The following ZNF358 variants were observed in gnomAD, a reference collection of about 807,000 sequenced individuals.
The protein encoded by ZNF358 is zinc finger protein 358.
ZNF358 carries 1 observed loss-of-function variant against 2.1 expected under a neutral mutation model. The observed-to-expected ratio is 0.49, with a 90% confidence interval of 0.17 to 2.30. The LOEUF is 2.30. Among genes scored for constraint, ZNF358 ranks in the 30% most tolerant of loss-of-function variants. ZNF358 has a pLI of 0.26. For missense variants in ZNF358, 665 were observed against 806.8 expected, an observed-to-expected ratio of 0.82 and a Z score of 2.13; for synonymous variants, 381 against 359.7, an observed-to-expected ratio of 1.06 and a Z score of -0.67.
At chr19:7,517,658 G>A (rs1326890961) in intron 1 of ZNF358, among the ~76,000 whole-genome samples, 1 of 152,082 alleles carries the variant, frequency 6.6e-6, no homozygotes, top group East Asian at 1.9e-4. Flanking sequence ...CTCACCAGGA[G>A]GGGTCCCAAA....
In ZNF358 at chr19:7,520,812, C is replaced by T. The variant is rs865873442; in HGVS notation, c.1570C>T (p.Pro524Ser). The change falls in exon 2 of 2, where the codon CCC becomes TCC. Residue 524 changes from proline (P) to serine (S), a missense_variant. Coordinates refer to ENST00000597229, the MANE Select transcript of ZNF358 (RefSeq NM_018083.5). This position sits in a 1 kb window ranked among gnomAD's most constrained non-coding sequence, Gnocchi z 6.0. ...GCCCAGCCCAGACCCTGATCCTGTG[C>T]CCAGCCCTGATCCCAACCCTGTGTC... The part of the protein sequence containing the change: ...PVPSPDPDPV[P>S]SPDPNPVSCP... The T allele has an allele frequency of 1.2e-6, 2 of 1,613,876 alleles. No individual in the cohort carries two copies. Among genetic ancestry groups the T allele is most frequent in the Middle Eastern group, 3.3e-4 (2 of 6,060 alleles).
chr19:7,519,083 AAAAAG>A (rs1340003418), intron 1 of ZNF358, 117 bp from the exon 2 acceptor site: 40 of 1,195,168 alleles, frequency 3.3e-5, no homozygotes, highest in South Asian at 1.1e-4. Context: ...AAAAAAAAAA[AAAAAG>A]AAGTGGGTTC....
In ZNF358 at chr19:7,519,707, T is replaced by A; in HGVS notation, c.465T>A (p.Asp155Glu). ...ASPPRPFSCP[D>E]CGRAFRRSSG... ...CGCCCCGGCCCTTCTCCTGCCCGGA[T>A]TGCGGGCGAGCCTTCCGCCGCAGCT... The change falls in exon 2 of 2, where the codon GAT becomes GAA. Residue 155 changes from aspartate to glutamate, a missense_variant. Coordinates refer to ENST00000597229, the MANE Select transcript of ZNF358 (RefSeq NM_018083.5). 1.3e-6 allele frequency: 2 copies of A among 1,581,572 alleles called. No homozygotes were observed.
chr19:7,519,944 G>A lies in ZNF358; in HGVS notation c.702G>A (p.Pro234=). Residue 234 remains proline, a synonymous_variant, in exon 2 of 2, where the codon CCG becomes CCA. Transcript: ENST00000597229. ...KHRSSHSGEK[P]HHCPVCGKAF... The stretch of plus-strand genomic sequence containing the variant: ...GCAGCAGCCACAGCGGGGAGAAGCC[G>A]CACCACTGCCCGGTGTGTGGCAAGG... The A allele has an allele frequency of 6.6e-7, 1 of 1,523,340 alleles. No homozygotes were observed. Among genetic ancestry groups the A allele is most frequent in the African/African-American group, 1.4e-5 (1 of 72,328 alleles). The allele number at this position is 1,523,340 out of a possible 1,614,324, so 94.4% of individuals were successfully genotyped here.
intron 1 of ZNF358, among the ~76,000 whole-genome samples, chr19:7,517,302 C>T (rs578262738): frequency 2.6e-5 from 4 of 152,260 alleles, no homozygotes; most frequent in South Asian, 4.1e-4. Context: ...TGACACTACC[C>T]GCCATGTCCC....
At chr19:7,514,801 C>G (rs2022314076), upstream of ZNF358, among the ~76,000 whole-genome samples, 1 of 151,930 alleles carries the variant, frequency 6.6e-6, no homozygotes, top group African/African-American at 2.4e-5. Flanking sequence ...CCTGGCTAAT[C>G]TTTGTATTTT....
rs1292081882 is a variant in ZNF358 at position 7,519,777 on chromosome 19, T to C, written c.535T>C (p.Tyr179His). ...HRRTHSGEKPYRCPDCGKSFS... is the reference protein window; with the variant it reads ...HRRTHSGEKPHRCPDCGKSFS... ...CCGCACGCACAGCGGCGAGAAGCCGTACCGCTGCCCCGACTGCGGGAAGTC... is the reference window on the plus strand; with the variant it reads ...CCGCACGCACAGCGGCGAGAAGCCGCACCGCTGCCCCGACTGCGGGAAGTC... Residue 179 changes from tyrosine (Y) to histidine (H), a missense_variant, in exon 2 of 2, where the codon TAC (tyrosine) becomes CAC (histidine). Physicochemically the swap from Tyr to His is moderately conservative, Grantham distance 83 (BLOSUM62 2). Around this residue, in one of 3 missense-constraint regions of ZNF358, gnomAD observed 210 missense variants for 350.8 expected, o/e 0.60. Coordinates refer to ENST00000597229, the MANE Select transcript of ZNF358 (RefSeq NM_018083.5). 6.5e-7 allele frequency: 1 copy of C among 1,532,666 alleles called. No individual in the cohort carries two copies. Among genetic ancestry groups the C allele is most frequent in the Non-Finnish European group, 8.7e-7 (1 of 1,146,316 alleles). The allele number at this position is 1,532,666 out of a possible 1,614,324, so 94.9% of individuals were successfully genotyped here. A position where few individuals can be genotyped will look rare whatever the true frequency, so the allele number is the denominator to read the frequency against.
In ZNF358 at chr19:7,520,584, T is replaced by C; in HGVS notation, c.1342T>C (p.Ser448Pro). The change falls in exon 2 of 2, where the codon TCT becomes CCT. Residue 448 changes from serine (S) to proline (P), a missense_variant. Coordinates refer to ENST00000597229, the MANE Select transcript of ZNF358 (RefSeq NM_018083.5). The surrounding 1 kb of genome is among the most constrained non-coding windows in gnomAD (Gnocchi z 6.0). Reference protein sequence around the residue: ...LGPDAVSVLGSGLGLSPGTSS... With the variant: ...LGPDAVSVLGPGLGLSPGTSS... ...TCCTGATGCTGTTTCTGTGCTCGGC[T>C]CTGGCTTGGGCCTCAGCCCTGGCAC... is the stretch of plus-strand genomic sequence containing the variant. The C allele has an allele frequency of 7.4e-7, 1 of 1,350,664 alleles. No individual in the cohort carries two copies. Among genetic ancestry groups the C allele is most frequent in the Non-Finnish European group, 1.0e-6 (1 of 963,770 alleles). 83.7% of individuals were successfully genotyped at this position (1,350,664 alleles called of 1,614,324 possible). A position where few individuals can be genotyped will look rare whatever the true frequency, so the allele number is the denominator to read the frequency against.
chr19:7,515,519 C>G (rs1175746699), upstream of ZNF358: 2 of 152,186 alleles, frequency 1.3e-5, no homozygotes, highest in African/African-American at 4.8e-5. Context: ...GGAGGAAGGC[C>G]AGGTTAAGCA....
upstream of ZNF358, chr19:7,515,337 G>C (rs1380442449): frequency 6.6e-6 from 1 of 152,206 alleles, no homozygotes; most frequent in Non-Finnish European, 1.5e-5. Flanking sequence ...CCGGCGTAGG[G>C]TTCTCCGGAA....
Position 7,519,440 on chromosome 19 carries a change from C to A in ZNF358, c.198C>A (p.Pro66=). Residue 66 remains proline, a synonymous_variant, in exon 2 of 2, where the codon CCC becomes CCA. Transcript: ENST00000597229. Reference sequence around the variant, plus strand: ...ACCCCAGCTATGAAGATCTGGAGCCCGTCTCGGAGGATCTGGACCCCGACG... The same window carrying A: ...ACCCCAGCTATGAAGATCTGGAGCCAGTCTCGGAGGATCTGGACCCCGACG... The part of the protein sequence containing the change: ...DVDPSYEDLE[P]VSEDLDPDAE... 2 of 1,614,116 alleles carry A rather than the reference C, an allele frequency of 1.2e-6. No individual in the cohort carries two copies. The highest frequency in any genetic ancestry group is 2.2e-5 in the East Asian group (1 of 44,890).
chr19:7,520,188 G>A lies in ZNF358; in HGVS notation c.946G>A (p.Glu316Lys). The change falls in exon 2 of 2, where the codon GAG (glutamate) becomes AAG (lysine). Residue 316 changes from glutamate to lysine, a missense_variant. This residue lies in a region of ZNF358 where 210 missense variants were observed against 350.8 expected (regional missense o/e 0.60). Coordinates refer to ENST00000597229, the MANE Select transcript of ZNF358 (RefSeq NM_018083.5). This position sits in a 1 kb window ranked among gnomAD's most constrained non-coding sequence, Gnocchi z 6.0. Reference protein sequence around the residue: ...LLQHQRTHTAERPYRCPHCGK... With the variant: ...LLQHQRTHTAKRPYRCPHCGK... ...GCAGCACCAGCGCACACACACGGCC[G>A]AGCGCCCCTACCGCTGCCCCCACTG... is the stretch of plus-strand genomic sequence containing the variant. 1 of 1,603,308 alleles carries A rather than the reference G, an allele frequency of 6.2e-7. No homozygotes were observed. Among genetic ancestry groups the A allele is most frequent in the Non-Finnish European group, 8.5e-7 (1 of 1,179,310 alleles).
At position 7,520,829 on chromosome 19, in the gene ZNF358, C is replaced by T. The variant is rs1010901577; in HGVS notation, c.1587C>T (p.Asn529=). The T allele has an allele frequency of 6.2e-7, 1 of 1,613,992 alleles. No individual in the cohort carries two copies. Among genetic ancestry groups the T allele is most frequent in the Non-Finnish European group, 8.5e-7 (1 of 1,179,952 alleles). The change falls in exon 2 of 2, where the codon AAC becomes AAT. Residue 529 remains asparagine, a synonymous_variant. Transcript: ENST00000597229. This position sits in a 1 kb window ranked among gnomAD's most constrained non-coding sequence, Gnocchi z 6.0. ...DPDPVPSPDP[N]PVSCPDPCSP... Reference sequence around the variant, plus strand: ...ATCCTGTGCCCAGCCCTGATCCCAACCCTGTGTCCTGCCCTGACCCCTGTT... The same window carrying T: ...ATCCTGTGCCCAGCCCTGATCCCAATCCTGTGTCCTGCCCTGACCCCTGTT...
chr19:7,520,648 G>A lies in ZNF358; in HGVS notation c.1406G>A (p.Gly469Asp), dbSNP rs370411153. Residue 469 changes from glycine to aspartate, a missense_variant, in exon 2 of 2, where the codon GGC becomes GAC. Physicochemically the swap from Gly to Asp is moderately conservative, Grantham distance 94. Transcript: ENST00000597229. The surrounding 1 kb of genome is among the most constrained non-coding windows in gnomAD (Gnocchi z 6.0). Reference sequence around the variant, plus strand: ...AACCCTGACCCTGGCTCTGGGCCGGGCACTCTGCCGGATCCCAGCTCCAAA... The same window carrying A: ...AACCCTGACCCTGGCTCTGGGCCGGACACTCTGCCGGATCCCAGCTCCAAA... The part of the protein sequence containing the change: ...GRNPDPGSGP[G>D]TLPDPSSKPL... The A allele has an allele frequency of 2.7e-4, 424 of 1,581,220 alleles. 3 individuals are homozygous for A. Among genetic ancestry groups the A allele is most frequent in the Middle Eastern group, 5.0e-4 (3 of 6,034 alleles).
At position 7,516,492 on chromosome 19, in the gene ZNF358, G is replaced by T. The variant is rs1260277309; in HGVS notation, c.-39+243G>T. 6.6e-6 allele frequency among the ~76,000 whole-genome samples: 1 copy of T among 151,892 alleles called. No homozygotes were observed. The highest frequency in any genetic ancestry group is 1.5e-5 in the Non-Finnish European group (1 of 67,908). On this transcript the variant is annotated intron_variant, in intron 1 of 1. Transcript: ENST00000597229. This position sits in a 1 kb window ranked among gnomAD's most constrained non-coding sequence, Gnocchi z 5.9. ...GGGCCCGGGGGGAAAGGGCCAGGAG[G>T]TTGGGAGCCTTCAATCGGGCGGGGT...
chr19:7,520,734 G>A lies in ZNF358; in HGVS notation c.1492G>A (p.Ala498Thr), dbSNP rs1278972870. The A allele has an allele frequency of 1.2e-6, 2 of 1,613,720 alleles. No individual in the cohort carries two copies. The highest frequency in any genetic ancestry group is 1.3e-5 in the African/African-American group (1 of 74,822). Residue 498 changes from alanine to threonine, a missense_variant, in exon 2 of 2, where the codon GCT becomes ACT. This residue lies in a region of ZNF358 where 249 missense variants were observed against 227.6 expected (regional missense o/e 1.09). Coordinates refer to ENST00000597229, the MANE Select transcript of ZNF358 (RefSeq NM_018083.5). The surrounding 1 kb of genome is among the most constrained non-coding windows in gnomAD (Gnocchi z 6.0). ...PTPVESSDPK[A>T]GHDAGPDLVP... ...TCCTGTGGAATCTTCTGACCCAAAG[G>A]CTGGGCACGACGCTGGTCCCGACCT... is the stretch of plus-strand genomic sequence containing the variant.
rs2022439406 is a variant in ZNF358 at position 7,520,107 on chromosome 19, C to A, written c.865C>A (p.Arg289=). 6.3e-7 allele frequency: 1 copy of A among 1,594,806 alleles called. No homozygotes were observed. The highest frequency in any genetic ancestry group is 1.1e-5 in the South Asian group (1 of 90,530). Residue 289 remains arginine, a synonymous_variant, in exon 2 of 2, where the codon CGG becomes AGG. Coordinates refer to ENST00000597229, the MANE Select transcript of ZNF358 (RefSeq NM_018083.5). The surrounding 1 kb of genome is among the most constrained non-coding windows in gnomAD (Gnocchi z 6.0). ...ACACCTGCGCACGCACACGGGCGAG[C>A]GGCCCTACCCGTGTCCGCAGTGCGG... ...LKHLRTHTGE[R]PYPCPQCGKA...
At chr19:7,514,631 T>C (rs1276921384), upstream of ZNF358, among the ~76,000 whole-genome samples, 1 of 152,158 alleles carries the variant, frequency 6.6e-6, no homozygotes, top group African/African-American at 2.4e-5. Context: ...GTTTGCATTT[T>C]TTGTTTTGTT....
chr19:7,519,609 A>G lies in ZNF358; in HGVS notation c.367A>G (p.Ile123Val). 4 of 1,598,812 alleles carry G rather than the reference A, an allele frequency of 2.5e-6. No homozygotes were observed. The highest frequency in any genetic ancestry group is 3.4e-6 in the Non-Finnish European group (4 of 1,179,554). Residue 123 changes from isoleucine to valine, a missense_variant, in exon 2 of 2, where the codon ATC (isoleucine) becomes GTC (valine). This residue lies in a region of ZNF358 where 206 missense variants were observed against 228.4 expected (regional missense o/e 0.90). Coordinates refer to ENST00000597229, the MANE Select transcript of ZNF358 (RefSeq NM_018083.5). ...LSPGDPKVDPISSGLTATPQV... is the reference protein window; with the variant it reads ...LSPGDPKVDPVSSGLTATPQV... ...CCCCGGCGATCCAAAAGTGGACCCC[A>G]TCTCCTCTGGCCTCACTGCCACCCC...
Sources: allele counts gnomAD v4.1 joint callset (sites outside exome capture counted in the v4.1 genomes callset), GRCh38; gene constraint gnomAD v4.1.1; regional missense constraint gnomAD v4.1.1; non-coding constraint Gnocchi (gnomAD v3.1); transcripts MANE v1.5; gene names NCBI Gene and HGNC (gene_info 2026-07-23, HGNC 2026-07-21).